ZSCAN22: variants seen among roughly 807,000 people sequenced by gnomAD.
ZSCAN22 encodes zinc finger and SCAN domain containing 22.
In ZSCAN22, 7 loss-of-function variants were observed where a neutral mutation model predicts 12.4. The ratio of observed to expected loss-of-function variants is 0.57; its 90% CI spans 0.32 to 1.06. The LOEUF is 1.06. Among genes scored for constraint, ZSCAN22 ranks in the 50% least tolerant of loss-of-function variants. The pLI is 0.04. For missense variants in ZSCAN22, 576 were observed against 631.7 expected, an observed-to-expected ratio of 0.91 and a Z score of 0.94; for synonymous variants, 243 against 255.9, an observed-to-expected ratio of 0.95 and a Z score of 0.48.
intron 1 of ZSCAN22, among the ~76,000 whole-genome samples, chr19:58,330,648 T>C (rs926429406): frequency 2.0e-5 from 3 of 152,162 alleles, no homozygotes; most frequent in Non-Finnish European, 4.4e-5. Context: ...TTTCCCCAAC[T>C]TGGAAAATGG....
Position 58,338,963 on chromosome 19 carries a change from G to A in ZSCAN22, c.1113G>A (p.Gln371=). 6.2e-7 allele frequency: 1 copy of A among 1,613,898 alleles called. No homozygotes were observed. Among genetic ancestry groups the A allele is most frequent in the South Asian group, 1.1e-5 (1 of 91,066 alleles). ...GCAGCACTCACCTCACCCAGCACCA[G>A]CGGGTGCACACGGGGGAGCGGCCCT... ...FSRSTHLTQH[Q]RVHTGERPYE... is the part of the protein sequence containing the mutation. The change falls in exon 3 of 3, where the codon CAG becomes CAA. Residue 371 remains glutamine, a synonymous_variant. Coordinates refer to ENST00000329665, the MANE Select transcript of ZSCAN22 (RefSeq NM_181846.3). The surrounding 1 kb of genome is among the most constrained non-coding windows in gnomAD (Gnocchi z 5.4).
chr19:58,334,707 AG>A, intron 1 of ZSCAN22, 44 bp from the exon 2 acceptor site: 4 of 1,374,918 alleles, frequency 2.9e-6, no homozygotes, highest in Non-Finnish European at 3.9e-6. Context: ...GGCATGAGGC[AG>A]GGCCCAGGTT....
Position 58,340,686 on chromosome 19 carries a change from A to C in ZSCAN22, c.*1360A>C, listed in dbSNP as rs2051863599. The C allele has an allele frequency of 1.4e-5, 2 of 140,038 alleles. No individual in the cohort carries two copies. Among genetic ancestry groups the C allele is most frequent in the Admixed American group, 7.5e-5 (1 of 13,422 alleles). 8.7% of individuals were successfully genotyped at this position (140,038 alleles called of 1,614,324 possible). Reference sequence around the variant, plus strand: ...TTTTTAGTAGAGATGGAGTTTCACCATGTTAGCCAGGATGGTCTCGATCTC... The same window carrying C: ...TTTTTAGTAGAGATGGAGTTTCACCCTGTTAGCCAGGATGGTCTCGATCTC... On this transcript the variant is annotated 3_prime_UTR_variant, in exon 3 of 3. Coordinates refer to ENST00000329665, the MANE Select transcript of ZSCAN22 (RefSeq NM_181846.3).
rs1002471045 is a variant in ZSCAN22, at chr19:58,338,382, T to C, written c.532T>C (p.Cys178Arg). ...VSLGPAFVKA[C>R]EPEGSSERSG... ...CCTTGGACCCGCCTTTGTCAAGGCA[T>C]GTGAACCTGAGGGCAGCTCAGAGAG... is the stretch of plus-strand genomic sequence containing the variant. Residue 178 changes from cysteine to arginine, a missense_variant, in exon 3 of 3, where the codon TGT becomes CGT. Physicochemically the swap from Cys to Arg is radical, Grantham distance 180. Coordinates refer to ENST00000329665, the MANE Select transcript of ZSCAN22 (RefSeq NM_181846.3). The surrounding 1 kb of genome is among the most constrained non-coding windows in gnomAD (Gnocchi z 5.4). 6.2e-7 allele frequency: 1 copy of C among 1,614,176 alleles called. No homozygotes were observed. Among genetic ancestry groups the C allele is most frequent in the Non-Finnish European group, 8.5e-7 (1 of 1,180,018 alleles).
In ZSCAN22 at chr19:58,335,669, T is replaced by A. The variant is rs1248070986; in HGVS notation, c.403+464T>A. Reference sequence around the variant, plus strand: ...GCCTGGTTGGGATCTTATGTTTGTGTTTGGCCAACCAAATCCCAGGGACTA... The same window carrying A: ...GCCTGGTTGGGATCTTATGTTTGTGATTGGCCAACCAAATCCCAGGGACTA... On this transcript the variant is annotated intron_variant, in intron 2 of 2. Transcript: ENST00000329665. The surrounding 1 kb of genome is among the most constrained non-coding windows in gnomAD (Gnocchi z 4.1). Among the ~76,000 whole-genome samples, 3 of 152,176 alleles carry A rather than the reference T, an allele frequency of 2.0e-5. No homozygotes were observed. In the East Asian group the frequency reaches 5.8e-4, roughly 29 times the overall value.
rs771082233 is a variant in ZSCAN22, at chr19:58,338,425, A to G, written c.575A>G (p.Glu192Gly). 1 of 1,614,144 alleles carries G rather than the reference A, an allele frequency of 6.2e-7. No individual in the cohort carries two copies. The highest frequency in any genetic ancestry group is 8.5e-7 in the Non-Finnish European group (1 of 1,180,000). ...TCAGAGAGGTCTGGACTATCAGGGG[A>G]GATCTGGACAAAGTCTGTCACCCAA... ...GSSERSGLSGEIWTKSVTQQI... is the reference protein window; with the variant it reads ...GSSERSGLSGGIWTKSVTQQI... Residue 192 changes from glutamate to glycine, a missense_variant, in exon 3 of 3, where the codon GAG becomes GGG. By Grantham distance (98) the Glu-to-Gly change is moderately conservative (BLOSUM62 -2). Transcript: ENST00000329665. This position sits in a 1 kb window ranked among gnomAD's most constrained non-coding sequence, Gnocchi z 5.4.
At chr19:58,331,021 C>T (rs778607331) in intron 1 of ZSCAN22, among the ~76,000 whole-genome samples, 2 of 152,118 alleles carry the variant, frequency 1.3e-5, no homozygotes, top group Non-Finnish European at 2.9e-5. Context: ...AAACAAAAAC[C>T]CCTGCCCTTA....
Position 58,335,263 on chromosome 19 carries a change from C to G in ZSCAN22, c.403+58C>G, listed in dbSNP as rs573080036. 6.8e-7 allele frequency: 1 copy of G among 1,468,072 alleles called. No individual in the cohort carries two copies. Among genetic ancestry groups the G allele is most frequent in the Non-Finnish European group, 9.0e-7 (1 of 1,108,330 alleles). 90.9% of individuals were successfully genotyped at this position (1,468,072 alleles called of 1,614,324 possible). On this transcript the variant is annotated intron_variant, in intron 2 of 2. Transcript: ENST00000329665. This position sits in a 1 kb window ranked among gnomAD's most constrained non-coding sequence, Gnocchi z 4.1. The stretch of plus-strand genomic sequence containing the variant: ...ACCAGAGATACACCCTGGACAGGAA[C>G]ATGGGAGCACAGGGCTCTGGTTTGG...
rs35345104 is a variant in ZSCAN22, at chr19:58,332,268, C to CTTTTTTTTTTT, written c.-51-2471_-51-2461dup. On this transcript the variant is annotated intron_variant, in intron 1 of 2. Coordinates refer to ENST00000329665, the MANE Select transcript of ZSCAN22 (RefSeq NM_181846.3). ...TCAGCCTCTGACAAACACTAATATG[C>CTTTTTTTTTTT]TTTTTTTTTTTTTTTTTTTTTTTGA... Among the ~76,000 whole-genome samples the CTTTTTTTTTTT allele has an allele frequency of 2.2e-4, 18 of 81,674 alleles. 1 individual carries two copies. The highest frequency in any genetic ancestry group is 7.7e-4 in the African/African-American group (14 of 18,284). 53.6% of individuals were successfully genotyped at this position (81,674 alleles called of 152,430 possible). A position where few individuals can be genotyped will look rare whatever the true frequency, so the allele number is the denominator to read the frequency against.
Position 58,339,074 on chromosome 19 carries a change from C to T in ZSCAN22, c.1224C>T (p.Tyr408=), listed in dbSNP as rs1018861148. The part of the protein sequence containing the change: ...HQRIHTGEKP[Y]KCDACGRAFS... ...GCATCCACACCGGGGAGAAGCCCTACAAGTGTGACGCGTGTGGCCGAGCCT... is the reference window on the plus strand; with the variant it reads ...GCATCCACACCGGGGAGAAGCCCTATAAGTGTGACGCGTGTGGCCGAGCCT... Residue 408 remains tyrosine (Y), a synonymous_variant, in exon 3 of 3, where the codon TAC becomes TAT. Coordinates refer to ENST00000329665, the MANE Select transcript of ZSCAN22 (RefSeq NM_181846.3). This position sits in a 1 kb window ranked among gnomAD's most constrained non-coding sequence, Gnocchi z 5.6. 2 of 1,614,218 alleles carry T rather than the reference C, an allele frequency of 1.2e-6. No homozygotes were observed. The highest frequency in any genetic ancestry group is 1.7e-5 in the Admixed American group (1 of 60,032).
At chr19:58,333,373 C>T (rs745402460) in intron 1 of ZSCAN22, among the ~76,000 whole-genome samples, 2 of 152,268 alleles carry the variant, frequency 1.3e-5, no homozygotes, top group Non-Finnish European at 2.9e-5. Flanking sequence ...ATTCATGGAA[C>T]ATTAACCAAA....
rs781660277 is a variant in ZSCAN22 at position 58,334,824 on chromosome 19, C to T, written c.22C>T (p.Leu8=). The T allele has an allele frequency of 2.5e-6, 4 of 1,608,840 alleles. No homozygotes were observed. Among genetic ancestry groups the T allele is most frequent in the Non-Finnish European group, 3.4e-6 (4 of 1,176,740 alleles). The part of the protein sequence containing the change: MAIPKHS[L]SPVPWEEDSF... ...CCCGATGGCCATCCCCAAGCACTCCCTGAGCCCAGTGCCGTGGGAAGAGGA... is the reference window on the plus strand; with the variant it reads ...CCCGATGGCCATCCCCAAGCACTCCTTGAGCCCAGTGCCGTGGGAAGAGGA... Residue 8 remains leucine, a synonymous_variant, in exon 2 of 3, where the codon CTG becomes TTG. Coordinates refer to ENST00000329665, the MANE Select transcript of ZSCAN22 (RefSeq NM_181846.3).
In ZSCAN22 at chr19:58,327,099, C is replaced by G. The variant is rs1223177566; in HGVS notation, c.-67C>G. The G allele has an allele frequency of 6.5e-6, 1 of 152,946 alleles. No homozygotes were observed. The highest frequency in any genetic ancestry group is 2.0e-4 in the South Asian group (1 of 4,946). The allele number at this position is 152,946 out of a possible 1,614,324, so 9.5% of individuals were successfully genotyped here. A position where few individuals can be genotyped will look rare whatever the true frequency, so the allele number is the denominator to read the frequency against. On this transcript the variant is annotated 5_prime_UTR_variant, in exon 1 of 3. Coordinates refer to ENST00000329665, the MANE Select transcript of ZSCAN22 (RefSeq NM_181846.3). ...TGCGGCCACCTCCGGAAGGGTCCGC[C>G]GGCTGTGCTGGTGAGGTGGGTTTCG... is the stretch of plus-strand genomic sequence containing the variant.
At position 58,335,086 on chromosome 19, in the gene ZSCAN22, A is replaced by T. The variant is rs571809706; in HGVS notation, c.284A>T (p.Glu95Val). The T allele has an allele frequency of 1.2e-6, 2 of 1,614,112 alleles. No homozygotes were observed. The highest frequency in any genetic ancestry group is 2.7e-5 in the African/African-American group (2 of 75,056). Residue 95 changes from glutamate to valine, a missense_variant, in exon 2 of 3, where the codon GAG becomes GTG. By Grantham distance (121) the Glu-to-Val change is moderately radical. Transcript: ENST00000329665. The surrounding 1 kb of genome is among the most constrained non-coding windows in gnomAD (Gnocchi z 4.1). ...CAGATACTGGAGCTGCTGGTGCTGG[A>T]GCAGTTCCTGGGTGCGCTGCCCCCA... ...KEQILELLVL[E>V]QFLGALPPEI...
rs1309431698 is a variant in ZSCAN22 at position 58,335,754 on chromosome 19, G to A, written c.403+549G>A. ...AGACGAGGGCCTGGGTGCCTGGGGT[G>A]GCTGTTGGGGGTGACGGAAATACCA... On this transcript the variant is annotated intron_variant, in intron 2 of 2. Coordinates refer to ENST00000329665, the MANE Select transcript of ZSCAN22 (RefSeq NM_181846.3). This position sits in a 1 kb window ranked among gnomAD's most constrained non-coding sequence, Gnocchi z 4.1. 6.6e-6 allele frequency among the ~76,000 whole-genome samples: 1 copy of A among 152,238 alleles called. No individual in the cohort carries two copies. Among genetic ancestry groups the A allele is most frequent in the Non-Finnish European group, 1.5e-5 (1 of 68,044 alleles).
chr19:58,328,865 G>A (rs2051687990), intron 1 of ZSCAN22, among the ~76,000 whole-genome samples: 1 of 152,104 alleles, frequency 6.6e-6, no homozygotes, highest in African/African-American at 2.4e-5. Context: ...CATTCCATTT[G>A]CTTAATGCCT....
intron 1 of ZSCAN22, among the ~76,000 whole-genome samples, chr19:58,330,991 T>C (rs1484182284): frequency 1.3e-5 from 2 of 152,122 alleles, no homozygotes; most frequent in African/African-American, 4.8e-5. Context: ...CTGTAGACAC[T>C]GGGGATAAAG....
At chr19:58,327,153 G>A (rs368743253) in intron 1 of ZSCAN22, 39 bp downstream of exon 1, 1 of 152,724 alleles carries the variant, frequency 6.5e-6, no homozygotes, top group Non-Finnish European at 1.5e-5. Context: ...ATCCAGGCTG[G>A]AGAGGGGCAC....
At chr19:58,332,523 C>T (rs1181606978) in intron 1 of ZSCAN22, among the ~76,000 whole-genome samples, 1 of 151,996 alleles carries the variant, frequency 6.6e-6, no homozygotes, top group Non-Finnish European at 1.5e-5. Flanking sequence ...GATCTACCCA[C>T]CTCGGCCTCC....
Sources: allele counts gnomAD v4.1 joint callset (sites outside exome capture counted in the v4.1 genomes callset), GRCh38; gene constraint gnomAD v4.1.1; non-coding constraint Gnocchi (gnomAD v3.1); transcripts MANE v1.5; gene names NCBI Gene and HGNC (gene_info 2026-07-23, HGNC 2026-07-21).